NFIB: variants seen among roughly 807,000 people sequenced by gnomAD.
NFIB encodes the protein nuclear factor 1 B-type.
NFIB carries 11 observed loss-of-function variants against 61.5 expected under a neutral mutation model. The ratio of observed to expected loss-of-function variants is 0.18; its 90% CI spans 0.11 to 0.30. The LOEUF (loss-of-function observed/expected upper bound fraction) is 0.30. Among genes scored for constraint, NFIB ranks in the 10% least tolerant of loss-of-function variants. NFIB has a pLI of 1.00. For missense variants in NFIB, 471 were observed against 608.9 expected, an observed-to-expected ratio of 0.77 and a Z score of 2.38; for synonymous variants, 260 against 216.5, an observed-to-expected ratio of 1.20 and a Z score of -1.76.
the NFIB span, among the ~76,000 whole-genome samples, chr9:14,452,520 A>C: frequency 6.6e-6 from 1 of 151,308 alleles, no homozygotes; most frequent in South Asian, 2.1e-4. Context: ...AGGAGGAAGG[A>C]AGTAGCAGGT....
chr9:14,479,327 G>A, the NFIB span, among the ~76,000 whole-genome samples: 14 of 152,154 alleles, frequency 9.2e-5, no homozygotes, highest in Admixed American at 1.3e-4. Flanking sequence ...CACCCTCATG[G>A]TACTGAAACC....
chr9:14,431,518 C>G, the NFIB span, among the ~76,000 whole-genome samples: 26 of 152,254 alleles, frequency 1.7e-4, no homozygotes, highest in African/African-American at 5.3e-4. Flanking sequence ...TGCCAGGCAC[C>G]AGTGTTGCAT....
At chr9:14,169,119 G>C (rs1165932113) in intron 3 of NFIB, among the ~76,000 whole-genome samples, 2 of 152,108 alleles carry the variant, frequency 1.3e-5, no homozygotes, top group Non-Finnish European at 2.9e-5. Context: ...ATTTTAAAAT[G>C]AAAAATCCAT....
In NFIB at chr9:14,086,423, A is replaced by G. The variant is rs963920768; in HGVS notation, c.*1886T>C. 1.8e-5 allele frequency: 4 copies of G among 218,298 alleles called. No individual in the cohort carries two copies. The highest frequency in any genetic ancestry group is 3.7e-5 in the Non-Finnish European group (4 of 108,442). The allele number at this position is 218,298 out of a possible 1,614,324, so 13.5% of individuals were successfully genotyped here. ...TGTGTACTTACCTATAATAACCAAT[A>G]CAGCTAAAAGCACTACCTACATAGG... On this transcript the variant is annotated 3_prime_UTR_variant, in exon 11 of 11. Coordinates refer to ENST00000380953, the MANE Select transcript of NFIB (RefSeq NM_001190737.2).
chr9:14,471,241 C>T, the NFIB span, among the ~76,000 whole-genome samples: 1 of 152,248 alleles, frequency 6.6e-6, no homozygotes. Flanking sequence ...TCCTTCCTCA[C>T]ATCACTGATG....
chr9:14,327,532 T>G (rs1236295000), intron 1 of NFIB, among the ~76,000 whole-genome samples: 2 of 152,182 alleles, frequency 1.3e-5, no homozygotes, highest in Non-Finnish European at 2.9e-5. Context: ...GCCATACAAG[T>G]ATAGATAGGT....
intron 2 of NFIB, among the ~76,000 whole-genome samples, chr9:14,216,819 A>T (rs2050980379): frequency 2.0e-5 from 3 of 152,224 alleles, no homozygotes; most frequent in Non-Finnish European, 4.4e-5. Flanking sequence ...GAAAATAAGC[A>T]TACTTTTCTG....
At chr9:14,181,867 T>C (rs978780180) in intron 2 of NFIB, among the ~76,000 whole-genome samples, 6 of 152,178 alleles carry the variant, frequency 3.9e-5, no homozygotes, top group African/African-American at 1.4e-4. Flanking sequence ...ATAGTTAAAG[T>C]TGTCAATTGT....
chr9:14,367,650 C>G (rs2061315627), intron 1 of NFIB, among the ~76,000 whole-genome samples: 1 of 152,088 alleles, frequency 6.6e-6, no homozygotes, highest in Non-Finnish European at 1.5e-5. Flanking sequence ...CAATGATAGA[C>G]TGGATAAAGA....
chr9:14,117,568 G>C (rs2038323738), intron 8 of NFIB, among the ~76,000 whole-genome samples: 2 of 152,060 alleles, frequency 1.3e-5, no homozygotes, highest in African/African-American at 4.8e-5. Context: ...TAGAGAAAAA[G>C]ATGAACAGCT....
intron 1 of NFIB, among the ~76,000 whole-genome samples, chr9:14,326,515 T>G (rs912065): frequency 0.99 from 150,605 of 152,228 alleles, 74,518 homozygotes; most frequent in Middle Eastern, 1. Context: ...GATGACATCT[T>G]CTAACATAAT....
chr9:14,515,969 A>G, the NFIB span, among the ~76,000 whole-genome samples: 1 of 152,264 alleles, frequency 6.6e-6, no homozygotes, highest in Non-Finnish European at 1.5e-5. Flanking sequence ...ATGGCTGCTC[A>G]GCTGGCTTCC....
At chr9:14,432,055 C>T in the NFIB span, among the ~76,000 whole-genome samples, 3 of 152,206 alleles carry the variant, frequency 2.0e-5, no homozygotes, top group Non-Finnish European at 2.9e-5. Context: ...TACTGTGAGA[C>T]TGGCCTCAAG....
chr9:14,519,138 A>G, the NFIB span, among the ~76,000 whole-genome samples: 6 of 152,268 alleles, frequency 3.9e-5, no homozygotes, highest in African/African-American at 1.2e-4. Flanking sequence ...GGCTTTATTT[A>G]TAAATTCTGT....
At position 14,375,374 on chromosome 9, in the gene NFIB, A is replaced by G. The variant is rs545377714; in HGVS notation, c.108+23150T>C. On this transcript the variant is annotated intron_variant, in intron 1 of 8. Coordinates refer to the NFIB transcript ENST00000380934. Reference sequence around the variant, plus strand: ...AGCTTCTCCAGAAGTACCTGGGGACAGGGCCAGGTGCAGTGGCTCATGCCT... The same window carrying G: ...AGCTTCTCCAGAAGTACCTGGGGACGGGGCCAGGTGCAGTGGCTCATGCCT... 2.9e-3 allele frequency among the ~76,000 whole-genome samples: 437 copies of G among 152,236 alleles called. 3 individuals carry two copies. The highest frequency in any genetic ancestry group is 8.2e-3 in the African/African-American group (341 of 41,552).
chr9:14,235,925 A>C (rs1457070441), intron 2 of NFIB, among the ~76,000 whole-genome samples: 1 of 152,182 alleles, frequency 6.6e-6, no homozygotes, highest in Non-Finnish European at 1.5e-5. Context: ...GCTCACCATT[A>C]TGTATTTAAA....
chr9:14,125,435 C>T (rs947528905), intron 7 of NFIB, among the ~76,000 whole-genome samples, 197 bp downstream of exon 7: 1 of 152,200 alleles, frequency 6.6e-6, no homozygotes, highest in Non-Finnish European at 1.5e-5. Context: ...GGATTACAGG[C>T]GTGAGCCCCT....
At chr9:14,398,760 G>T (rs1308680636) in exon 1 of NFIB, 4 of 624,780 alleles carry the variant, frequency 6.4e-6, no homozygotes, top group Non-Finnish European at 1.1e-5. Flanking sequence ...CAGGCAGAAG[G>T]TCCGAAGAGT....
intron 7 of NFIB, among the ~76,000 whole-genome samples, chr9:14,123,316 T>C (rs1234786557): frequency 6.6e-6 from 1 of 152,098 alleles, no homozygotes; most frequent in African/African-American, 2.4e-5. Flanking sequence ...AAAGTTTTCC[T>C]TTATTATGAA....
Sources: gnomAD v4.1 joint callset for allele counts (sites outside exome capture counted in the v4.1 genomes callset) on GRCh38, gnomAD v4.1.1 for gene constraint, MANE v1.5 for transcripts, NCBI Gene and HGNC (gene_info 2026-07-23, HGNC 2026-07-21) for gene names.